Variants in SMARCAD1 observed in about 807,000 individuals in gnomAD.
The protein encoded by SMARCAD1 is SNF2 related chromatin remodeling ATPase with DExD box 1, also known as SWI/SNF-related matrix-associated actin-dependent regulator of chromatin subfamily A containing DEAD/H box 1.
SMARCAD1 carries 25 observed loss-of-function variants against 127.1 expected under a neutral mutation model. The ratio of observed to expected loss-of-function variants is 0.20; its 90% CI spans 0.14 to 0.27. SMARCAD1 has a LOEUF of 0.27. Among genes scored for constraint, SMARCAD1 ranks in the 10% least tolerant of loss-of-function variants. The pLI is 1.00. For missense variants in SMARCAD1, 807 were observed against 1,206.0 expected, an observed-to-expected ratio of 0.67 and a Z score of 4.90; for synonymous variants, 400 against 396.9, an observed-to-expected ratio of 1.01 and a Z score of -0.09.
intron 14 of SMARCAD1, among the ~76,000 whole-genome samples, chr4:94,275,180 A>T (rs1163643885): frequency 6.6e-6 from 1 of 152,210 alleles, no homozygotes; most frequent in Non-Finnish European, 1.5e-5. Context: ...AATGGTGACT[A>T]TAAAAAGGTT....
At chr4:94,209,011 A>G (rs1741738170) in intron 2 of SMARCAD1, among the ~76,000 whole-genome samples, 1 of 152,224 alleles carries the variant, frequency 6.6e-6, no homozygotes, top group Non-Finnish European at 1.5e-5. Flanking sequence ...CAACCTCTGT[A>G]CACAAGGGAA....
intron 5 of SMARCAD1, among the ~76,000 whole-genome samples, chr4:94,239,396 G>A (rs182791116): frequency 7.0e-4 from 106 of 151,394 alleles, no homozygotes; most frequent in Admixed American, 1.2e-3. Flanking sequence ...ATCATCCTGC[G>A]TATTAAACAC....
At chr4:94,220,399 C>T (rs998484276) in intron 2 of SMARCAD1, among the ~76,000 whole-genome samples, 2 of 152,074 alleles carry the variant, frequency 1.3e-5, no homozygotes, top group Non-Finnish European at 2.9e-5. Context: ...AGGCGTGTGC[C>T]ACCACACCTG....
intron 21 of SMARCAD1, among the ~76,000 whole-genome samples, chr4:94,282,006 C>T (rs780843426): frequency 6.6e-6 from 1 of 150,986 alleles, no homozygotes; most frequent in Non-Finnish European, 1.5e-5. Flanking sequence ...CACCACTGCA[C>T]TGTAGCCTGG....
chr4:94,210,248 C>T (rs188556721), intron 2 of SMARCAD1, among the ~76,000 whole-genome samples: 6 of 152,210 alleles, frequency 3.9e-5, no homozygotes, highest in Admixed American at 1.3e-4. Context: ...TTGATGGCTT[C>T]GGGAAATAAG....
intron 9 of SMARCAD1, chr4:94,253,763 C>A: frequency 1.2e-6 from 1 of 811,816 alleles, no homozygotes; most frequent in Non-Finnish European, 1.5e-6. Flanking sequence ...TTATGAATGC[C>A]AACAGTCATC....
At chr4:94,263,888 T>C (rs1469044638) in intron 9 of SMARCAD1, among the ~76,000 whole-genome samples, 1 of 151,972 alleles carries the variant, frequency 6.6e-6, no homozygotes, top group African/African-American at 2.4e-5. Flanking sequence ...AAATATTTTT[T>C]GTCATGTTTT....
Position 94,284,977 on chromosome 4 carries a change from A to G in SMARCAD1, c.2927A>G (p.Lys976Arg). 6.2e-7 allele frequency: 1 copy of G among 1,610,168 alleles called. No individual in the cohort carries two copies. The highest frequency in any genetic ancestry group is 8.5e-7 in the Non-Finnish European group (1 of 1,176,586). ...VGQTKEVLVI[K>R]LISQGTIEES... ...TTTTTTAGAGAAGTACTAGTTATAA[A>G]ACTAATAAGCCAAGGGACGATTGAA... Residue 976 changes from lysine (K) to arginine (R), a missense_variant, in exon 23 of 24, where the codon AAA becomes AGA. Transcript: ENST00000354268.
intron 9 of SMARCAD1, among the ~76,000 whole-genome samples, chr4:94,260,822 G>T (rs1750860890): frequency 6.6e-6 from 1 of 151,984 alleles, no homozygotes; most frequent in Non-Finnish European, 1.5e-5. Flanking sequence ...CTTTCTTGTG[G>T]CTTCCAAATG....
chr4:94,229,991 A>G (rs1321398633), intron 3 of SMARCAD1, among the ~76,000 whole-genome samples: 3 of 152,072 alleles, frequency 2.0e-5, no homozygotes, highest in African/African-American at 7.2e-5. Flanking sequence ...AGCTACACCC[A>G]TACTACTTGA....
chr4:94,262,434 ATT>A (rs1751134829), intron 9 of SMARCAD1, among the ~76,000 whole-genome samples: 1 of 152,156 alleles, frequency 6.6e-6, no homozygotes, highest in Non-Finnish European at 1.5e-5. Context: ...ACAGACCACT[ATT>A]GTCTCTCAAC....
chr4:94,284,326 CAAA>C (rs1161926658), intron 22 of SMARCAD1, among the ~76,000 whole-genome samples: 3 of 25,918 alleles, frequency 1.2e-4, no homozygotes, highest in Non-Finnish European at 1.5e-4. Context: ...GACTCCGTCT[CAAA>C]AAAAAAAAAA....
intron 9 of SMARCAD1, among the ~76,000 whole-genome samples, chr4:94,261,567 A>T (rs1007057122): frequency 1.3e-5 from 2 of 152,222 alleles, no homozygotes; most frequent in African/African-American, 4.8e-5. Context: ...ATTATTTACC[A>T]TGTGGTGTAT....
intron 23 of SMARCAD1, among the ~76,000 whole-genome samples, chr4:94,285,916 A>C (rs1212364678): frequency 6.6e-6 from 1 of 152,240 alleles, no homozygotes; most frequent in Admixed American, 6.5e-5. Flanking sequence ...AAGTGAATGC[A>C]TAAGGCAGAT....
chr4:94,250,310 G>A (rs1033234373), intron 7 of SMARCAD1, among the ~76,000 whole-genome samples: 1 of 151,900 alleles, frequency 6.6e-6, no homozygotes, highest in Non-Finnish European at 1.5e-5. Context: ...CACTTGCACT[G>A]ATTTATTTGA....
chr4:94,207,819 T>C, upstream of SMARCAD1: 1 of 306,398 alleles, frequency 3.3e-6, no homozygotes, highest in East Asian at 8.8e-5. Flanking sequence ...TGAACCTTCC[T>C]GTGTGTTCTT....
Position 94,215,310 on chromosome 4 carries a change from A to G in SMARCAD1, c.190+6726A>G, listed in dbSNP as rs115524539. Among the ~76,000 whole-genome samples, 436 of 152,276 alleles carry G rather than the reference A, an allele frequency of 2.9e-3. 2 individuals are homozygous for G. Among genetic ancestry groups the G allele is most frequent in the African/African-American group, 0.01 (416 of 41,548 alleles). On this transcript the variant is annotated intron_variant, in intron 2 of 23. Transcript: ENST00000354268. ...GTACTCAAAAGTAAGTAGGAATCTT[A>G]AGTGCATTTTAAATGTGCATGTATT...
At chr4:94,214,547 T>C (rs879407124) in intron 2 of SMARCAD1, among the ~76,000 whole-genome samples, 2 of 152,050 alleles carry the variant, frequency 1.3e-5, no homozygotes, top group Non-Finnish European at 2.9e-5. Context: ...ATTACAGGCA[T>C]GAGCCACCGC....
Position 94,236,896 on chromosome 4 carries a change from CTG to C in SMARCAD1, c.538-55_538-54del, listed in dbSNP as rs995952990. On this transcript the variant is annotated intron_variant, in intron 4 of 23. Coordinates refer to ENST00000354268, the MANE Select transcript of SMARCAD1 (RefSeq NM_020159.5). The stretch of plus-strand genomic sequence containing the variant: ...TGTTTGTTCTTAAATATTTCAGTAA[CTG>C]AAATAATTCTTAAAGTGCTGATTTA... 8 of 1,350,842 alleles carry C rather than the reference CTG, an allele frequency of 5.9e-6. No homozygotes were observed. In the Admixed American group the frequency reaches 1.2e-4, roughly 20 times the overall value. The allele number at this position is 1,350,842 out of a possible 1,614,324, so 83.7% of individuals were successfully genotyped here. A position where few individuals can be genotyped will look rare whatever the true frequency, so the allele number is the denominator to read the frequency against.
Sources: allele counts gnomAD v4.1 joint callset (sites outside exome capture counted in the v4.1 genomes callset), GRCh38; gene constraint gnomAD v4.1.1; transcripts MANE v1.5; gene names NCBI Gene and HGNC (gene_info 2026-07-23, HGNC 2026-07-21).